PCDH10: variants seen among roughly 807,000 people sequenced by gnomAD.
PCDH10 encodes protocadherin-10.
Under a neutral mutation model 74.4 loss-of-function variants are expected in PCDH10, and 15 were observed. The observed-to-expected ratio is 0.20, with a 90% CI of 0.13 to 0.31. The LOEUF is 0.31. Ranked by LOEUF, PCDH10 falls within the 10% of genes least tolerant of loss-of-function variation. The pLI is 1.00. For missense variants in PCDH10, 1,260 were observed against 1,390.2 expected, an observed-to-expected ratio of 0.91 and a Z score of 1.49; for synonymous variants, 619 against 589.8, an observed-to-expected ratio of 1.05 and a Z score of -0.72.
chr4:133,155,008 C>T lies in PCDH10; in HGVS notation c.2782C>T (p.Arg928Cys), dbSNP rs777714741. The T allele has an allele frequency of 1.2e-5, 20 of 1,608,304 alleles. No homozygotes were observed. The highest frequency in any genetic ancestry group is 4.0e-5 in the African/African-American group (3 of 74,794). Reference sequence around the variant, plus strand: ...AGATAGTGATCATGATGCCACCAACCGTGCCCAGTCAGCTGGTAAGTGTGA... The same window carrying T: ...AGATAGTGATCATGATGCCACCAACTGTGCCCAGTCAGCTGGTAAGTGTGA... ...QGDSDHDATN[R>C]AQSAGMDLFS... Residue 928 changes from arginine (R) to cysteine (C), a missense_variant, in exon 3 of 5, where the codon CGT becomes TGT. Arg to Cys is a radical substitution (Grantham distance 180). Around this residue, in one of 11 missense-constraint regions of PCDH10, gnomAD observed 136 missense variants for 149.3 expected, o/e 0.91. Transcript: ENST00000264360.
chr4:133,205,621 CT>C (rs1015857086), intron 2 of PCDH10, among the ~76,000 whole-genome samples: 1 of 152,008 alleles, frequency 6.6e-6, no homozygotes, highest in African/African-American at 2.4e-5. Flanking sequence ...TTTTCTTCAT[CT>C]TTTTGGCTCC....
At chr4:133,173,838 T>C (rs1727243439) in intron 4 of PCDH10, among the ~76,000 whole-genome samples, 1 of 151,848 alleles carries the variant, frequency 6.6e-6, no homozygotes, top group South Asian at 2.1e-4. Flanking sequence ...GGGAGATGCA[T>C]AGAGTATAAA....
In PCDH10 at chr4:133,153,714, G is replaced by C. The variant is rs566361420; in HGVS notation, c.2632-593G>C. On this transcript the variant is annotated intron_variant, in intron 1 of 4. Coordinates refer to ENST00000264360, the MANE Select transcript of PCDH10 (RefSeq NM_032961.3). ...GGCGAATGCAGAGGGCCTTTGGAGG[G>C]GAAAAGAATGGGGGTGGTGGGGGGC... 79 of 121,540 alleles carry C rather than the reference G, an allele frequency of 6.5e-4. 2 individuals carry two copies. Among genetic ancestry groups the C allele is most frequent in the Middle Eastern group, 4.0e-3 (1 of 252 alleles). 7.5% of individuals were successfully genotyped at this position (121,540 alleles called of 1,614,324 possible).
At position 133,151,647 on chromosome 4, in the gene PCDH10, C is replaced by T; in HGVS notation, c.1507C>T (p.Leu503Phe). 1.2e-6 allele frequency: 2 copies of T among 1,613,820 alleles called. No individual in the cohort carries two copies. Among genetic ancestry groups the T allele is most frequent in the Non-Finnish European group, 1.7e-6 (2 of 1,180,058 alleles). ...GANAQLAYSI[L>F]ECQIQGMSVF... is the part of the protein sequence containing the mutation. ...CAACGCCCAGCTTGCCTACTCTATC[C>T]TCGAGTGCCAGATCCAGGGCATGAG... The change falls in exon 1 of 5, where the codon CTC becomes TTC. Residue 503 changes from leucine to phenylalanine, a missense_variant. Transcript: ENST00000264360.
intron 2 of PCDH10, among the ~76,000 whole-genome samples, chr4:133,202,864 G>T (rs189391865): frequency 5.1e-4 from 77 of 152,246 alleles, no homozygotes; most frequent in African/African-American, 1.8e-3. Context: ...TTGTTCCCAG[G>T]TTGTCAAGAG....
At position 133,149,510 on chromosome 4, in the gene PCDH10, A is replaced by C. The variant is rs917061680; in HGVS notation, c.-631A>C. 6.6e-6 allele frequency: 1 copy of C among 152,420 alleles called. No individual in the cohort carries two copies. The highest frequency in any genetic ancestry group is 1.5e-5 in the Non-Finnish European group (1 of 68,226). The allele number at this position is 152,420 out of a possible 1,614,324, so 9.4% of individuals were successfully genotyped here. On this transcript the variant is annotated 5_prime_UTR_variant, in exon 1 of 5. Coordinates refer to ENST00000264360, the MANE Select transcript of PCDH10 (RefSeq NM_032961.3). ...AAAAATACAAATAGAGCGAAAGAGG[A>C]AAAAAATGTCAAGAAGAACATCCAT...
At chr4:133,163,764 T>C (rs1337201816) in intron 4 of PCDH10, 1 of 349,928 alleles carries the variant, frequency 2.9e-6, no homozygotes, top group Non-Finnish European at 5.5e-6. Flanking sequence ...TTTTATTTCA[T>C]CTACTACAAA....
At chr4:133,172,375 T>C (rs374052386) in intron 4 of PCDH10, among the ~76,000 whole-genome samples, 4 of 152,190 alleles carry the variant, frequency 2.6e-5, no homozygotes, top group African/African-American at 9.6e-5. Flanking sequence ...CCCAATTGAT[T>C]TGATTCATGA....
chr4:133,159,275 C>T (rs1726919202), intron 3 of PCDH10, among the ~76,000 whole-genome samples: 2 of 151,970 alleles, frequency 1.3e-5, no homozygotes, highest in African/African-American at 4.8e-5. Flanking sequence ...TGGAAATATC[C>T]ACTGCCTGTG....
chr4:133,164,098 A>G (rs1430265418), intron 4 of PCDH10: 1 of 448,142 alleles, frequency 2.2e-6, no homozygotes, highest in Non-Finnish European at 4.5e-6. Flanking sequence ...AGCTTTTCAA[A>G]TTACTCAGAA....
At chr4:133,168,099 G>A (rs1320531921) in intron 4 of PCDH10, among the ~76,000 whole-genome samples, 4 of 151,256 alleles carry the variant, frequency 2.6e-5, no homozygotes, top group African/African-American at 9.7e-5. Flanking sequence ...TTAACTAACT[G>A]ATGCAGCAGT....
intron 2 of PCDH10, among the ~76,000 whole-genome samples, chr4:133,204,624 G>T (rs1487729591): frequency 1.3e-5 from 2 of 152,190 alleles, no homozygotes; most frequent in African/African-American, 4.8e-5. Context: ...TTAGTGGTTT[G>T]TTCCAATTTG....
chr4:133,168,979 C>T (rs1401631563), intron 4 of PCDH10, among the ~76,000 whole-genome samples: 3 of 151,718 alleles, frequency 2.0e-5, no homozygotes, highest in Non-Finnish European at 4.4e-5. Flanking sequence ...ATGCACCCAA[C>T]TAGGGCGTTT....
rs994390726 is a variant in PCDH10 at position 133,152,841 on chromosome 4, T to C, written c.2631+70T>C. On this transcript the variant is annotated intron_variant, in intron 1 of 4. Coordinates refer to ENST00000264360, the MANE Select transcript of PCDH10 (RefSeq NM_032961.3). Reference sequence around the variant, plus strand: ...AGAAAGCCTCCTCTAGCCCGGCCCTTGTATCTCTGGTGCACTGTATCTATT... The same window carrying C: ...AGAAAGCCTCCTCTAGCCCGGCCCTCGTATCTCTGGTGCACTGTATCTATT... The C allele has an allele frequency of 7.5e-6, 12 of 1,597,816 alleles. No individual in the cohort carries two copies. The African/African-American group carries it at 1.2e-4, about 16-fold the overall frequency.
chr4:133,159,559 G>A (rs527350369), intron 3 of PCDH10, among the ~76,000 whole-genome samples: 50 of 152,140 alleles, frequency 3.3e-4, no homozygotes, highest in African/African-American at 1.2e-3. Context: ...GAAGCCAGGT[G>A]AGGGATGTGA....
chr4:133,182,788 A>G (rs974534521), intron 4 of PCDH10, among the ~76,000 whole-genome samples: 1 of 152,064 alleles, frequency 6.6e-6, no homozygotes, highest in Non-Finnish European at 1.5e-5. Flanking sequence ...ATGGTGGCCA[A>G]CGTGCCCAGG....
chr4:133,195,328 TG>T (rs1490324420), downstream of PCDH10, among the ~76,000 whole-genome samples: 1 of 152,006 alleles, frequency 6.6e-6, no homozygotes, highest in African/African-American at 2.4e-5. Context: ...GGGGAGGGTG[TG>T]GCTAGGTGTT....
intron 4 of PCDH10, among the ~76,000 whole-genome samples, chr4:133,169,623 A>T (rs1026837897): frequency 6.6e-6 from 1 of 151,926 alleles, no homozygotes; most frequent in Admixed American, 6.6e-5. Flanking sequence ...AAGACTATCA[A>T]TTAAAATATA....
chr4:133,157,049 T>A (rs1157921495), intron 3 of PCDH10, among the ~76,000 whole-genome samples: 4 of 152,170 alleles, frequency 2.6e-5, no homozygotes, highest in East Asian at 3.8e-4. Context: ...AATGTTAAAA[T>A]TTTTTTGTAT....
Sources: allele counts gnomAD v4.1 joint callset (sites outside exome capture counted in the v4.1 genomes callset), GRCh38; gene constraint gnomAD v4.1.1; regional missense constraint gnomAD v4.1.1; transcripts MANE v1.5; gene names NCBI Gene and HGNC (gene_info 2026-07-23, HGNC 2026-07-21).